The following USPL1 variants were observed in gnomAD, a reference collection of about 807,000 sequenced individuals.
The protein encoded by USPL1 is SUMO-specific isopeptidase USPL1.
A neutral mutation model predicts 51.5 loss-of-function variants in USPL1; 27 were observed. The observed-to-expected ratio is 0.52, with a 90% CI of 0.39 to 0.72. The LOEUF (loss-of-function observed/expected upper bound fraction) is 0.72, where lower values mean the gene tolerates loss of function less well. USPL1 is among the 30% of genes least tolerant of loss of function. USPL1 has a pLI of 0.00. For synonymous variants in USPL1, 451 were observed against 459.6 expected, an observed-to-expected ratio of 0.98 and a Z score of 0.24; for missense variants, 1,226 against 1,268.0, an observed-to-expected ratio of 0.97 and a Z score of 0.50.
At position 30,630,926 on chromosome 13, in the gene USPL1, A is replaced by G. The variant is rs751630567; in HGVS notation, c.320A>G (p.Lys107Arg). ...ACTCCACATAAGCCTCAGAAAAGGAAGAGCTTAGAAAGCAGCTATAAGGAT... is the reference window on the plus strand; with the variant it reads ...ACTCCACATAAGCCTCAGAAAAGGAGGAGCTTAGAAAGCAGCTATAAGGAT... ...CHTPHKPQKRKSLESSYKDSL... is the reference protein window; with the variant it reads ...CHTPHKPQKRRSLESSYKDSL... Residue 107 changes from lysine (K) to arginine (R), a missense_variant, in exon 4 of 9, where the codon AAG becomes AGG. By Grantham distance (26) the Lys-to-Arg change is conservative. Coordinates refer to ENST00000255304, the MANE Select transcript of USPL1 (RefSeq NM_005800.5). The G allele has an allele frequency of 3.7e-6, 6 of 1,614,082 alleles. No homozygotes were observed. In the South Asian group the frequency reaches 4.4e-5, roughly 12 times the overall value.
At chr13:30,627,191 CTT>C (rs1313294759) in intron 3 of USPL1, among the ~76,000 whole-genome samples, 6 of 151,326 alleles carry the variant, frequency 4.0e-5, no homozygotes, top group Admixed American at 1.3e-4. Flanking sequence ...ATTTTTATGA[CTT>C]TTTTGAAGAC....
chr13:30,638,126 C>T (rs1243231953), intron 5 of USPL1, among the ~76,000 whole-genome samples: 1 of 152,180 alleles, frequency 6.6e-6, no homozygotes, highest in Non-Finnish European at 1.5e-5. Context: ...TCATTAGTTG[C>T]TTCTCTAGTA....
At chr13:30,628,295 G>A (rs1243006325) in intron 3 of USPL1, among the ~76,000 whole-genome samples, 2 of 151,940 alleles carry the variant, frequency 1.3e-5, no homozygotes, top group Non-Finnish European at 2.9e-5. Flanking sequence ...TTGGCATAAT[G>A]GCCTCAAGAT....
Position 30,658,022 on chromosome 13 carries a change from T to C in USPL1, c.1945T>C (p.Phe649Leu). Residue 649 changes from phenylalanine to leucine, a missense_variant, in exon 9 of 9, where the codon TTT becomes CTT. Coordinates refer to ENST00000255304, the MANE Select transcript of USPL1 (RefSeq NM_005800.5). ...TAATGAAAAGCTTATTCAAGACCAA[T>C]TTGTGGACATAAGTTTTCCATCCCA... ...PCNEKLIQDQ[F>L]VDISFPSQVV... 1 of 1,613,304 alleles carries C rather than the reference T, an allele frequency of 6.2e-7. No individual in the cohort carries two copies.
intron 3 of USPL1, among the ~76,000 whole-genome samples, chr13:30,624,424 A>G (rs149633239): frequency 1.3e-5 from 2 of 152,278 alleles, no homozygotes; most frequent in African/African-American, 4.8e-5. Context: ...AGACCAGCCC[A>G]TGCAACATAG....
chr13:30,622,562 A>G (rs1321954261), intron 3 of USPL1, among the ~76,000 whole-genome samples: 1 of 152,226 alleles, frequency 6.6e-6, no homozygotes, highest in Non-Finnish European at 1.5e-5. Flanking sequence ...GGGTTTGGGA[A>G]CATAAGATCC....
intron 7 of USPL1, among the ~76,000 whole-genome samples, chr13:30,647,443 C>G (rs1479809141): frequency 6.6e-6 from 1 of 152,152 alleles, no homozygotes; most frequent in African/African-American, 2.4e-5. Context: ...GCTCATCTCT[C>G]TGAATTTCCA....
intron 5 of USPL1, among the ~76,000 whole-genome samples, chr13:30,641,142 CGAGG>C (rs899131818): frequency 3.9e-5 from 6 of 152,060 alleles, no homozygotes; most frequent in African/African-American, 1.4e-4. Flanking sequence ...TAAAAAGCAC[CGAGG>C]GAATTTAAAA....
intron 1 of USPL1, among the ~76,000 whole-genome samples, chr13:30,620,491 A>G (rs1458316106): frequency 6.6e-6 from 1 of 152,224 alleles, no homozygotes; most frequent in African/African-American, 2.4e-5. Context: ...GACAGTGTTT[A>G]TATTTTTGTT....
chr13:30,627,159 A>G (rs1392886726), intron 3 of USPL1, among the ~76,000 whole-genome samples: 1 of 152,062 alleles, frequency 6.6e-6, no homozygotes, highest in Non-Finnish European at 1.5e-5. Flanking sequence ...GCGCTGGGCT[A>G]AAATACTAAT....
At chr13:30,634,584 G>A (rs754940311) in intron 4 of USPL1, among the ~76,000 whole-genome samples, 3 of 151,882 alleles carry the variant, frequency 2.0e-5, no homozygotes, top group Admixed American at 6.6e-5. Flanking sequence ...CTTCCATTTT[G>A]TAAATATAAC....
chr13:30,648,084 C>CAG (rs1951041688), intron 7 of USPL1, among the ~76,000 whole-genome samples: 1 of 152,178 alleles, frequency 6.6e-6, no homozygotes. Flanking sequence ...CCTGTCCTTT[C>CAG]AATGCAATTG....
chr13:30,632,977 G>A (rs1478574126), intron 4 of USPL1, among the ~76,000 whole-genome samples: 3 of 123,492 alleles, frequency 2.4e-5, no homozygotes, highest in Non-Finnish European at 5.0e-5. Context: ...TTACCTATGC[G>A]TTTCCTCCCA....
In USPL1 at chr13:30,659,296, T is replaced by G; in HGVS notation, c.3219T>G (p.Ala1073=). ...DEFFSSSALN[A]LANDTLDLPH... ...TTTTTTCCTCCTCAGCATTAAATGC[T>G]TTAGCAAATGACACATTAGACCTAC... Residue 1073 remains alanine (A), a synonymous_variant, in exon 9 of 9, where the codon GCT becomes GCG. Coordinates refer to ENST00000255304, the MANE Select transcript of USPL1 (RefSeq NM_005800.5). The G allele has an allele frequency of 6.2e-7, 1 of 1,613,990 alleles. No individual in the cohort carries two copies. Among genetic ancestry groups the G allele is most frequent in the Non-Finnish European group, 8.5e-7 (1 of 1,179,866 alleles).
At chr13:30,638,415 T>C (rs1950904063) in intron 5 of USPL1, among the ~76,000 whole-genome samples, 1 of 152,130 alleles carries the variant, frequency 6.6e-6, no homozygotes. Flanking sequence ...TTAAGAGAAA[T>C]ATGCTGATGG....
chr13:30,630,748 T>C, intron 3 of USPL1, 87 bp from the exon 4 acceptor site: 1 of 1,350,626 alleles, frequency 7.4e-7, no homozygotes, highest in South Asian at 1.5e-5. Flanking sequence ...GCTAACATTC[T>C]ATACATGTTT....
At position 30,658,079 on chromosome 13, in the gene USPL1, C is replaced by G; in HGVS notation, c.2002C>G (p.Leu668Val). Residue 668 changes from leucine to valine, a missense_variant, in exon 9 of 9, where the codon CTG becomes GTG. Physicochemically the swap from Leu to Val is conservative, Grantham distance 32. Transcript: ENST00000255304. ...VVNTNMQSVQ[L>V]NTEDTVNTKS... Reference sequence around the variant, plus strand: ...AAATACAAACATGCAGTCAGTACAGCTGAATACAGAAGATACTGTAAATAC... The same window carrying G: ...AAATACAAACATGCAGTCAGTACAGGTGAATACAGAAGATACTGTAAATAC... 1.2e-6 allele frequency: 2 copies of G among 1,613,424 alleles called. No homozygotes were observed.
chr13:30,649,420 A>G (rs1310667798), intron 7 of USPL1, among the ~76,000 whole-genome samples: 1 of 152,262 alleles, frequency 6.6e-6, no homozygotes, highest in Non-Finnish European at 1.5e-5. Flanking sequence ...TAAAACATAT[A>G]GAATCCTAAA....
chr13:30,646,131 G>A (rs1387764780), intron 6 of USPL1, among the ~76,000 whole-genome samples: 1 of 152,166 alleles, frequency 6.6e-6, no homozygotes, highest in Admixed American at 6.5e-5. Context: ...AGATTTATAA[G>A]TATTTGCTAT....
Sources: gnomAD v4.1 joint callset for allele counts (sites outside exome capture counted in the v4.1 genomes callset) on GRCh38, gnomAD v4.1.1 for gene constraint, MANE v1.5 for transcripts, NCBI Gene and HGNC (gene_info 2026-07-23, HGNC 2026-07-21) for gene names.